Variants in ASTN2 observed in about 807,000 individuals in gnomAD.
The protein encoded by ASTN2 is astrotactin 2.
Under a neutral mutation model 139.8 loss-of-function variants are expected in ASTN2, and 54 were observed. That is an observed-to-expected ratio of 0.39 (90% CI 0.31 to 0.48). The LOEUF (loss-of-function observed/expected upper bound fraction) is 0.48, where lower values mean the gene tolerates loss of function less well. ASTN2 is among the 20% of genes least tolerant of loss of function. The probability of loss-of-function intolerance (pLI) is 0.95; values close to 1 mark genes in which losing one functional copy is unlikely to be tolerated. For missense variants in ASTN2, 1,565 were observed against 1,725.1 expected, an observed-to-expected ratio of 0.91 and a Z score of 1.64; for synonymous variants, 756 against 719.5, an observed-to-expected ratio of 1.05 and a Z score of -0.81.
intron 13 of ASTN2, among the ~76,000 whole-genome samples, chr9:116,794,863 T>C (rs1319740055): frequency 6.6e-6 from 1 of 152,226 alleles, no homozygotes; most frequent in Non-Finnish European, 1.5e-5. Flanking sequence ...GAGACTGATG[T>C]GCAGTCCAGC....
chr9:117,403,417 T>C (rs1190625405), intron 1 of ASTN2, among the ~76,000 whole-genome samples: 3 of 152,134 alleles, frequency 2.0e-5, no homozygotes, highest in African/African-American at 7.2e-5. Context: ...TCCAGAATGT[T>C]TGTCAAAGGA....
At chr9:116,563,541 C>G (rs559571621) in intron 19 of ASTN2, among the ~76,000 whole-genome samples, 3 of 152,238 alleles carry the variant, frequency 2.0e-5, no homozygotes, top group Non-Finnish European at 4.4e-5. Context: ...ACTTGCTATT[C>G]CCTCTACCTG....
At chr9:116,694,486 G>C (rs907359785) in intron 16 of ASTN2, among the ~76,000 whole-genome samples, 1 of 116,632 alleles carries the variant, frequency 8.6e-6, no homozygotes, top group Non-Finnish European at 1.7e-5. Flanking sequence ...TTTTGAGATG[G>C]AGTCTCGCTC....
intron 20 of ASTN2, among the ~76,000 whole-genome samples, chr9:116,474,300 C>A (rs1423507085): frequency 6.6e-6 from 1 of 152,086 alleles, no homozygotes; most frequent in African/African-American, 2.4e-5. Flanking sequence ...TGGGTCAAGC[C>A]CTATCTCCTC....
intron 10 of ASTN2, among the ~76,000 whole-genome samples, chr9:116,865,105 A>T (rs1165990528): frequency 6.6e-6 from 1 of 152,162 alleles, no homozygotes; most frequent in Non-Finnish European, 1.5e-5. Context: ...GAATCTCTGA[A>T]AACAGGTTCT....
intron 1 of ASTN2, among the ~76,000 whole-genome samples, chr9:117,335,651 A>T (rs1828858972): frequency 6.6e-6 from 1 of 152,058 alleles, no homozygotes; most frequent in Non-Finnish European, 1.5e-5. Flanking sequence ...AGGAGAATGG[A>T]TTTTTTCACA....
At position 117,017,164 on chromosome 9, in the gene ASTN2, G is replaced by A. The variant is rs889020745; in HGVS notation, c.1424-8905C>T. 2.6e-5 allele frequency among the ~76,000 whole-genome samples: 4 copies of A among 152,150 alleles called. No individual in the cohort carries two copies. The East Asian group carries it at 5.8e-4, about 22-fold the overall frequency. Reference sequence around the variant, plus strand: ...TGGGAAAAGAATAAAGTCATGACATGTTTTCTCATTTTTCTTTAATCATTT... The same window carrying A: ...TGGGAAAAGAATAAAGTCATGACATATTTTCTCATTTTTCTTTAATCATTT... On this transcript the variant is annotated intron_variant, in intron 6 of 22. Coordinates refer to ENST00000313400, the MANE Select transcript of ASTN2 (RefSeq NM_001365068.1).
Position 116,464,883 on chromosome 9 carries a change from C to T in ASTN2, c.3498-22330G>A, listed in dbSNP as rs150256761. Among the ~76,000 whole-genome samples, 1,066 of 152,240 alleles carry T rather than the reference C, an allele frequency of 7.0e-3. 3 individuals carry two copies. The highest frequency in any genetic ancestry group is 0.016 in the Admixed American group (242 of 15,296). The stretch of plus-strand genomic sequence containing the variant: ...AAGTAAGTGTGAGGCACAATGGGTG[C>T]GATATGCCTGATGTCTATTTTCCTA... On this transcript the variant is annotated intron_variant, in intron 20 of 22. Transcript: ENST00000313400.
chr9:116,623,552 G>C (rs1466461970), intron 17 of ASTN2, among the ~76,000 whole-genome samples: 1 of 152,162 alleles, frequency 6.6e-6, no homozygotes, highest in African/African-American at 2.4e-5. Context: ...TCCCGGGGGA[G>C]GAAAATCATA....
intron 11 of ASTN2, among the ~76,000 whole-genome samples, chr9:116,849,436 T>A (rs988468284): frequency 2.0e-5 from 3 of 152,160 alleles, no homozygotes; most frequent in Non-Finnish European, 4.4e-5. Flanking sequence ...AAGACACTTA[T>A]CACTTTAATG....
intron 16 of ASTN2, chr9:116,700,529 A>G (rs1861118661): frequency 6.0e-6 from 1 of 167,146 alleles, no homozygotes. Flanking sequence ...ATCATTTTTC[A>G]TACTACCTCT....
intron 5 of ASTN2, among the ~76,000 whole-genome samples, chr9:117,048,942 G>T (rs537276883): frequency 1.6e-5 from 2 of 125,880 alleles, no homozygotes; most frequent in African/African-American, 5.5e-5. Context: ...GAATCTGTGC[G>T]CTCTGATTCT....
chr9:116,879,796 C>T (rs891574299), intron 10 of ASTN2, among the ~76,000 whole-genome samples: 1 of 152,316 alleles, frequency 6.6e-6, no homozygotes, highest in Non-Finnish European at 1.5e-5. Context: ...CAATAGCCTG[C>T]TTTTCACCAA....
intron 2 of ASTN2, among the ~76,000 whole-genome samples, chr9:117,272,231 C>A (rs1013958984): frequency 1.3e-5 from 2 of 152,248 alleles, no homozygotes; most frequent in Non-Finnish European, 2.9e-5. Context: ...GGCTTCAACC[C>A]TCTAAAGCCA....
chr9:116,926,522 T>C (rs1197243993), intron 10 of ASTN2, among the ~76,000 whole-genome samples: 1 of 152,200 alleles, frequency 6.6e-6, no homozygotes, highest in Non-Finnish European at 1.5e-5. Flanking sequence ...TGTACATAAT[T>C]TTGGCATTGC....
chr9:116,736,396 T>G (rs541344513), intron 13 of ASTN2, among the ~76,000 whole-genome samples: 6 of 152,302 alleles, frequency 3.9e-5, no homozygotes, highest in African/African-American at 1.4e-4. Context: ...TAACAGGTCA[T>G]GGTAGATGTC....
chr9:116,492,882 G>A (rs992332086), intron 19 of ASTN2, among the ~76,000 whole-genome samples: 1 of 151,918 alleles, frequency 6.6e-6, no homozygotes, highest in Non-Finnish European at 1.5e-5. Flanking sequence ...GAACTCCAGG[G>A]GCAAGGATGA....
chr9:116,867,439 A>G (rs538810113), intron 10 of ASTN2, among the ~76,000 whole-genome samples: 5 of 151,388 alleles, frequency 3.3e-5, no homozygotes, highest in Non-Finnish European at 7.4e-5. Context: ...AGTCCCAGCT[A>G]CTTGGGAGGC....
intron 13 of ASTN2, among the ~76,000 whole-genome samples, chr9:116,791,773 G>A (rs764851797): frequency 6.6e-6 from 1 of 152,160 alleles, no homozygotes; most frequent in Non-Finnish European, 1.5e-5. Flanking sequence ...TTTAAAAATT[G>A]TCTCTGCTTC....
Sources: gnomAD v4.1 joint callset for allele counts (sites outside exome capture counted in the v4.1 genomes callset) on GRCh38, gnomAD v4.1.1 for gene constraint, MANE v1.5 for transcripts, NCBI Gene and HGNC (gene_info 2026-07-23, HGNC 2026-07-21) for gene names.